The following COL24A1 variants were observed in gnomAD, a reference collection of about 807,000 sequenced individuals.
The protein encoded by COL24A1 is collagen type XXIV alpha 1 chain.
In COL24A1, 224 loss-of-function variants were observed where a neutral mutation model predicts 253.9. The ratio of observed to expected loss-of-function variants is 0.88; its 90% confidence interval spans 0.79 to 0.99. COL24A1 has a LOEUF of 0.99. Ranked by LOEUF, COL24A1 falls within the 50% of genes least tolerant of loss-of-function variation. The probability of loss-of-function intolerance (pLI) is 0.00; values close to 1 mark genes in which losing one functional copy is unlikely to be tolerated. For missense variants in COL24A1, 2,131 were observed against 2,068.5 expected (o/e 1.03, Z -0.59); for synonymous variants, 685 against 673.7 (o/e 1.02, Z -0.26).
Position 85,869,703 on chromosome 1 carries a change from A to C in COL24A1, c.3139-868T>G, listed in dbSNP as rs7534374. 5.4e-3 allele frequency among the ~76,000 whole-genome samples: 829 copies of C among 152,284 alleles called. 6 individuals carry two copies. Among genetic ancestry groups the C allele is most frequent in the African/African-American group, 0.019 (803 of 41,564 alleles). ...ACAAGAGCTCCTGAAGGAAGCACTA[A>C]ACACGGAAAGGAACAACCAGGACCA... On this transcript the variant is annotated intron_variant, in intron 35 of 59. Coordinates refer to ENST00000370571, the MANE Select transcript of COL24A1 (RefSeq NM_152890.7).
intron 19 of COL24A1, among the ~76,000 whole-genome samples, chr1:85,991,188 A>C (rs1257240413): frequency 6.6e-6 from 1 of 152,162 alleles, no homozygotes; most frequent in African/African-American, 2.4e-5. Context: ...TTTGCAGGAA[A>C]CACACAGGAC....
chr1:85,904,309 C>T (rs1008869956), intron 28 of COL24A1, among the ~76,000 whole-genome samples: 4 of 152,080 alleles, frequency 2.6e-5, no homozygotes, highest in East Asian at 1.9e-4. Flanking sequence ...AGGTTAACTT[C>T]GCTCTGTGTC....
intron 47 of COL24A1, among the ~76,000 whole-genome samples, chr1:85,799,587 C>T (rs1473091466): frequency 1.3e-5 from 2 of 152,050 alleles, no homozygotes; most frequent in Non-Finnish European, 2.9e-5. Context: ...TTTCACTGAA[C>T]AACAGAATGA....
chr1:85,980,080 A>C (rs1349344420), intron 20 of COL24A1, among the ~76,000 whole-genome samples: 4 of 152,250 alleles, frequency 2.6e-5, no homozygotes, highest in Admixed American at 2.0e-4. Flanking sequence ...CATTAAAAAC[A>C]AAAATCATAT....
intron 55 of COL24A1, among the ~76,000 whole-genome samples, chr1:85,756,859 C>T (rs899577132): frequency 2.6e-5 from 4 of 152,130 alleles, no homozygotes; most frequent in Non-Finnish European, 5.9e-5. Context: ...ATTACATGGA[C>T]TATTATTCAG....
chr1:85,922,637 C>T (rs1218850936), intron 24 of COL24A1, among the ~76,000 whole-genome samples: 1 of 152,096 alleles, frequency 6.6e-6, no homozygotes, highest in South Asian at 2.1e-4. Flanking sequence ...TTTGTCACCA[C>T]CAGGCCTGTC....
chr1:85,766,118 C>A (rs1185011798), intron 53 of COL24A1, among the ~76,000 whole-genome samples: 2 of 151,832 alleles, frequency 1.3e-5, no homozygotes, highest in African/African-American at 2.4e-5. Context: ...CTAATCCCAG[C>A]ACTTTGGGAG....
intron 7 of COL24A1, among the ~76,000 whole-genome samples, chr1:86,083,483 TA>T (rs1469206869): frequency 1.3e-5 from 2 of 152,060 alleles, no homozygotes; most frequent in African/African-American, 4.8e-5. Context: ...ATTTTAGGGT[TA>T]GTTACAGAAT....
intron 12 of COL24A1, 99 bp from the exon 13 acceptor site, chr1:86,034,022 T>C: frequency 1.1e-6 from 1 of 895,990 alleles, no homozygotes; most frequent in Non-Finnish European, 1.6e-6. Context: ...ATTAATTTCC[T>C]AACTCTTAAA....
intron 55 of COL24A1, among the ~76,000 whole-genome samples, chr1:85,756,501 C>T (rs547050871): frequency 6.6e-6 from 1 of 152,010 alleles, no homozygotes; most frequent in East Asian, 1.9e-4. Flanking sequence ...ATGTGAAAAC[C>T]ACAATGAGAT....
chr1:85,907,860 A>C (rs1684990229), intron 27 of COL24A1, among the ~76,000 whole-genome samples: 1 of 151,832 alleles, frequency 6.6e-6, no homozygotes, highest in South Asian at 2.1e-4. Flanking sequence ...GGTAGATAAA[A>C]ATGAAGTAAA....
At chr1:85,953,667 G>C (rs540313430) in intron 24 of COL24A1, among the ~76,000 whole-genome samples, 51 of 152,168 alleles carry the variant, frequency 3.4e-4, no homozygotes, top group African/African-American at 1.1e-3. Context: ...TCCTTCTAAA[G>C]CACAGAAACA....
intron 7 of COL24A1, among the ~76,000 whole-genome samples, chr1:86,073,962 G>A (rs1372683780): frequency 6.6e-6 from 1 of 151,438 alleles, no homozygotes; most frequent in Non-Finnish European, 1.5e-5. Flanking sequence ...CAAGGAGGGA[G>A]CATTAAATAT....
At chr1:86,018,831 T>C (rs559881438) in intron 18 of COL24A1, among the ~76,000 whole-genome samples, 38 of 152,284 alleles carry the variant, frequency 2.5e-4, no homozygotes, top group Admixed American at 1.0e-3. Context: ...TAAAGGAAAG[T>C]GTATTTACGA....
At chr1:86,007,996 T>G (rs1362874018) in intron 19 of COL24A1, among the ~76,000 whole-genome samples, 1 of 152,130 alleles carries the variant, frequency 6.6e-6, no homozygotes, top group Non-Finnish European at 1.5e-5. Flanking sequence ...TCAATGTAGG[T>G]TCATCAATTG....
chr1:85,739,793 G>C (rs556048407), intron 57 of COL24A1, among the ~76,000 whole-genome samples: 20 of 151,850 alleles, frequency 1.3e-4, no homozygotes, highest in Non-Finnish European at 2.5e-4. Flanking sequence ...TTCCACCAAT[G>C]ATCTTGTACC....
chr1:85,919,485 C>T (rs1311604360), intron 24 of COL24A1, among the ~76,000 whole-genome samples: 2 of 150,874 alleles, frequency 1.3e-5, no homozygotes, highest in Non-Finnish European at 3.0e-5. Flanking sequence ...TCAAGACCAG[C>T]CTGGGCAACA....
At chr1:85,735,571 A>G (rs1350861262) in intron 58 of COL24A1, among the ~76,000 whole-genome samples, 1 of 152,090 alleles carries the variant, frequency 6.6e-6, no homozygotes, top group Non-Finnish European at 1.5e-5. Flanking sequence ...CCCTTAATGT[A>G]GTTTCATTCA....
intron 32 of COL24A1, among the ~76,000 whole-genome samples, chr1:85,879,246 G>GGTGTGTGT (rs5775875): frequency 0.089 from 13,140 of 147,032 alleles, 732 homozygotes; most frequent in Non-Finnish European, 0.13. Context: ...TCATTTTGAG[G>GGTGTGTGT]GTGTGTGTGT....
Sources: gnomAD v4.1 joint callset for allele counts (sites outside exome capture counted in the v4.1 genomes callset) on GRCh38, gnomAD v4.1.1 for gene constraint, MANE v1.5 for transcripts, NCBI Gene and HGNC (gene_info 2026-07-23, HGNC 2026-07-21) for gene names.